FNDC1: variants seen among roughly 807,000 people sequenced by gnomAD.
FNDC1 encodes the protein fibronectin type III domain-containing protein 1.
In FNDC1, 96 loss-of-function variants were observed where a neutral mutation model predicts 168.0. The ratio of observed to expected loss-of-function variants is 0.57; its 90% CI spans 0.48 to 0.68. The LOEUF is 0.68. Ranked by LOEUF, FNDC1 falls within the 30% of genes least tolerant of loss-of-function variation. The pLI is 0.00. For synonymous variants in FNDC1, 1,099 were observed against 1,025.9 expected, an observed-to-expected ratio of 1.07 and a Z score of -1.36; for missense variants, 2,587 against 2,482.1, an observed-to-expected ratio of 1.04 and a Z score of -0.90.
intron 18 of FNDC1, among the ~76,000 whole-genome samples, chr6:159,257,114 T>C (rs1777390964): frequency 6.6e-6 from 1 of 152,244 alleles, no homozygotes; most frequent in Non-Finnish European, 1.5e-5. Flanking sequence ...TAGGCGTGGC[T>C]GGCCAGAGAA....
At chr6:159,253,300 CA>C (rs34669087) in intron 17 of FNDC1, among the ~76,000 whole-genome samples, 1 of 152,220 alleles carries the variant, frequency 6.6e-6, no homozygotes, top group Non-Finnish European at 1.5e-5. Flanking sequence ...CCAGACTCCG[CA>C]AGGCTCAGAG....
At chr6:159,215,981 A>G (rs1375572727) in intron 5 of FNDC1, among the ~76,000 whole-genome samples, 1 of 150,364 alleles carries the variant, frequency 6.7e-6, no homozygotes, top group Non-Finnish European at 1.5e-5. Context: ...TTTTTTTTTG[A>G]GACGAAGTCT....
rs931605586 is a variant in FNDC1 at position 159,239,707 on chromosome 6, G to A, written c.4371G>A (p.Thr1457=). Residue 1457 remains threonine, a synonymous_variant, in exon 14 of 23, where the codon ACG becomes ACA. Coordinates refer to ENST00000297267, the MANE Select transcript of FNDC1 (RefSeq NM_032532.3). ...CTACCATGCAGCCCACCACTACTAC[G>A]ACGCCCCTGCCTACCACTACAACCC... ...PTTTMQPTTT[T]TPLPTTTTPR... 2.6e-6 allele frequency: 4 copies of A among 1,550,214 alleles called. No individual in the cohort carries two copies. Among genetic ancestry groups the A allele is most frequent in the Non-Finnish European group, 2.6e-6 (3 of 1,146,480 alleles).
chr6:159,271,481 C>T lies in FNDC1; in HGVS notation c.*39C>T, dbSNP rs531337982. On this transcript the variant is annotated 3_prime_UTR_variant, in exon 23 of 23. Transcript: ENST00000297267. ...ATGCTGCAAGCTTGCCCTGCCCAGCCCCACCAACTAAGTCGCACTAGGGGC... is the reference window on the plus strand; with the variant it reads ...ATGCTGCAAGCTTGCCCTGCCCAGCTCCACCAACTAAGTCGCACTAGGGGC... The T allele has an allele frequency of 8.1e-6, 12 of 1,489,544 alleles. No homozygotes were observed. In the East Asian group the frequency reaches 2.8e-4, roughly 35 times the overall value. The allele number at this position is 1,489,544 out of a possible 1,614,324, so 92.3% of individuals were successfully genotyped here.
chr6:159,174,763 G>T (rs1378939993), intron 1 of FNDC1, among the ~76,000 whole-genome samples: 6 of 152,250 alleles, frequency 3.9e-5, no homozygotes, highest in Non-Finnish European at 8.8e-5. Context: ...CCCGCTGGCT[G>T]TTGGGGTGCC....
intron 14 of FNDC1, among the ~76,000 whole-genome samples, chr6:159,245,362 T>C (rs1207280441): frequency 1.3e-5 from 2 of 152,200 alleles, no homozygotes; most frequent in Non-Finnish European, 2.9e-5. Flanking sequence ...ATCTGGGAAA[T>C]CATCCACTAG....
chr6:159,205,446 C>T lies in FNDC1; in HGVS notation c.460+4865C>T, dbSNP rs376846981. Among the ~76,000 whole-genome samples, 22 of 152,270 alleles carry T rather than the reference C, an allele frequency of 1.4e-4. No homozygotes were observed. The East Asian group carries it at 3.3e-3, about 23-fold the overall frequency. ...CTAGTGTCTTGAGATGGCTGTCTCT[C>T]CAATCTGCTGATTCAAGAGCATAAT... On this transcript the variant is annotated intron_variant, in intron 4 of 22. Coordinates refer to ENST00000297267, the MANE Select transcript of FNDC1 (RefSeq NM_032532.3).
At chr6:159,218,073 G>A (rs1485275420) in intron 5 of FNDC1, among the ~76,000 whole-genome samples, 1 of 152,216 alleles carries the variant, frequency 6.6e-6, no homozygotes, top group African/African-American at 2.4e-5. Context: ...GCTGTTGCAG[G>A]GGAGCTTTGT....
At chr6:159,207,221 G>A (rs993502287) in intron 4 of FNDC1, among the ~76,000 whole-genome samples, 1 of 152,166 alleles carries the variant, frequency 6.6e-6, no homozygotes. Flanking sequence ...GGCATTTCAC[G>A]TGAAGACACA....
rs765463881 is a variant in FNDC1 at position 159,271,402 on chromosome 6, G to T, written c.5645G>T (p.Gly1882Val). 8.7e-6 allele frequency: 14 copies of T among 1,612,200 alleles called. No homozygotes were observed. Among genetic ancestry groups the T allele is most frequent in the Non-Finnish European group, 1.2e-5 (14 of 1,179,244 alleles). ...IGFGTPYYYV[G>V]WYECGVSIPG... ...TTCGGAACCCCCTACTACTATGTGG[G>T]CTGGTACGAGTGTGGGGTCTCCATC... The change falls in exon 23 of 23, where the codon GGC (glycine) becomes GTC (valine). Residue 1882 changes from glycine (G) to valine (V), a missense_variant. Coordinates refer to ENST00000297267, the MANE Select transcript of FNDC1 (RefSeq NM_032532.3).
chr6:159,221,129 G>A lies in FNDC1; in HGVS notation c.668-469G>A, dbSNP rs996990280. Reference sequence around the variant, plus strand: ...CATTCCACAGGGAAAGAAAGACCTGGGCTACTCATGTTGCACATTGGCTAT... The same window carrying A: ...CATTCCACAGGGAAAGAAAGACCTGAGCTACTCATGTTGCACATTGGCTAT... On this transcript the variant is annotated intron_variant, in intron 5 of 22. Transcript: ENST00000297267. Among the ~76,000 whole-genome samples the A allele has an allele frequency of 3.9e-5, 6 of 152,152 alleles. No homozygotes were observed. The South Asian group carries it at 6.2e-4, about 16-fold the overall frequency.
At chr6:159,270,574 C>T (rs1419981840) in intron 22 of FNDC1, among the ~76,000 whole-genome samples, 1 of 152,138 alleles carries the variant, frequency 6.6e-6, no homozygotes, top group Non-Finnish European at 1.5e-5. Context: ...GAAGGGCAGG[C>T]AGCTATTTAT....
At chr6:159,220,734 TG>T (rs1297564379) in intron 5 of FNDC1, among the ~76,000 whole-genome samples, 39 of 152,370 alleles carry the variant, frequency 2.6e-4, no homozygotes, top group African/African-American at 8.7e-4. Flanking sequence ...TACACTGGAT[TG>T]GTTCCAGCAT....
chr6:159,219,683 T>C (rs1329809704), intron 5 of FNDC1, among the ~76,000 whole-genome samples: 1 of 152,168 alleles, frequency 6.6e-6, no homozygotes, highest in Non-Finnish European at 1.5e-5. Flanking sequence ...ATGATAAACT[T>C]GGGCCGAGTT....
At chr6:159,255,797 T>G (rs769481389) in intron 17 of FNDC1, among the ~76,000 whole-genome samples, 11 of 152,210 alleles carry the variant, frequency 7.2e-5, no homozygotes, top group Non-Finnish European at 1.5e-4. Context: ...TCCTTCTGTG[T>G]ACACATAAAA....
Position 159,230,132 on chromosome 6 carries a change from T to C in FNDC1, c.1369+129T>C, listed in dbSNP as rs965553795. The C allele has an allele frequency of 9.5e-6, 7 of 740,474 alleles. No homozygotes were observed. The Admixed American group carries it at 1.2e-4, about 13-fold the overall frequency. The allele number at this position is 740,474 out of a possible 1,614,324, so 45.9% of individuals were successfully genotyped here. A position where few individuals can be genotyped will look rare whatever the true frequency, so the allele number is the denominator to read the frequency against. The stretch of plus-strand genomic sequence containing the variant: ...TGATTTTTCCAGGCTAAGTTGCATA[T>C]TGATTTTTAAAATATTTTTGTGTTT... On this transcript the variant is annotated intron_variant, in intron 10 of 22. Coordinates refer to ENST00000297267, the MANE Select transcript of FNDC1 (RefSeq NM_032532.3).
At chr6:159,193,315 C>T (rs1036642195) in intron 1 of FNDC1, among the ~76,000 whole-genome samples, 1 of 152,148 alleles carries the variant, frequency 6.6e-6, no homozygotes, top group Admixed American at 6.5e-5. Flanking sequence ...CTGAATTGTG[C>T]CTTTAGATGG....
chr6:159,186,198 T>G (rs1241428158), intron 1 of FNDC1, among the ~76,000 whole-genome samples: 1 of 152,146 alleles, frequency 6.6e-6, no homozygotes, highest in African/African-American at 2.4e-5. Flanking sequence ...GTAGATCTTT[T>G]CCAAGTTGGC....
At chr6:159,175,317 T>C (rs1781740127) in intron 1 of FNDC1, among the ~76,000 whole-genome samples, 1 of 152,210 alleles carries the variant, frequency 6.6e-6, no homozygotes, top group Non-Finnish European at 1.5e-5. Context: ...ATCTTGCTAC[T>C]GGGGCAGCTG....
Sources: gnomAD v4.1 joint callset for allele counts (sites outside exome capture counted in the v4.1 genomes callset) on GRCh38, gnomAD v4.1.1 for gene constraint, MANE v1.5 for transcripts, NCBI Gene and HGNC (gene_info 2026-07-23, HGNC 2026-07-21) for gene names.